Variants in TMPRSS15 observed in about 807,000 individuals in gnomAD.
The protein encoded by TMPRSS15 is enteropeptidase.
A neutral mutation model predicts 125.3 loss-of-function variants in TMPRSS15; 128 were observed. That is an observed-to-expected ratio of 1.02 (90% CI 0.89 to 1.18). The LOEUF (loss-of-function observed/expected upper bound fraction) is 1.18, where lower values mean the gene tolerates loss of function less well. TMPRSS15 is among the 50% of genes most tolerant of loss of function. The pLI, the probability that TMPRSS15 is intolerant of heterozygous loss-of-function variation, is 0.00. For missense variants in TMPRSS15, 1,283 were observed against 1,212.7 expected (o/e 1.06, Z -0.86); for synonymous variants, 446 against 423.2 (o/e 1.05, Z -0.66).
intron 13 of TMPRSS15, among the ~76,000 whole-genome samples, chr21:18,333,092 G>A (rs866484613): frequency 2.0e-5 from 3 of 152,046 alleles, no homozygotes; most frequent in East Asian, 3.9e-4. Flanking sequence ...GGGGCCTTTC[G>A]GAGGGTGGAG....
rs191970522 is a variant in TMPRSS15 at position 18,427,436 on chromosome 21, G to T, written c.11-29107C>A. On this transcript the variant is annotated intron_variant, in intron 1 of 7. Coordinates refer to the TMPRSS15 transcript ENST00000422787. ...AGATGGATAAATAAAATTCTTAACT[G>T]TTTATTTCTTTTAACAACTGTTCTG... 7.8e-4 allele frequency among the ~76,000 whole-genome samples: 119 copies of T among 152,280 alleles called. No homozygotes were observed. The Middle Eastern group carries it at 0.01, about 13-fold the overall frequency.
intron 21 of TMPRSS15, among the ~76,000 whole-genome samples, chr21:18,288,557 ATG>A: frequency 2.0e-5 from 1 of 51,158 alleles, no homozygotes; most frequent in Non-Finnish European, 3.8e-5. Flanking sequence ...TTTTTTTGAG[ATG>A]GAGTGTTGTG....
intron 1 of TMPRSS15, among the ~76,000 whole-genome samples, 161 bp from the exon 2 acceptor site, chr21:18,398,490 T>C (rs2076062823): frequency 6.6e-6 from 1 of 152,176 alleles, no homozygotes; most frequent in Non-Finnish European, 1.5e-5. Context: ...TCAGCTGCTT[T>C]CTTTCACCAG....
chr21:18,336,621 C>T (rs1457941834), intron 13 of TMPRSS15, among the ~76,000 whole-genome samples: 2 of 151,992 alleles, frequency 1.3e-5, no homozygotes, highest in Non-Finnish European at 1.5e-5. Flanking sequence ...AATAAAAATC[C>T]AGACAATGAG....
At chr21:18,277,514 G>T (rs2074636374) in intron 23 of TMPRSS15, among the ~76,000 whole-genome samples, 1 of 152,108 alleles carries the variant, frequency 6.6e-6, no homozygotes, top group South Asian at 2.1e-4. Context: ...TCAAGAGGGA[G>T]AAATATATGA....
chr21:18,373,460 ATAT>A (rs1280716820), intron 5 of TMPRSS15, among the ~76,000 whole-genome samples: 5 of 152,246 alleles, frequency 3.3e-5, no homozygotes, highest in East Asian at 3.9e-4. Flanking sequence ...AATAATAAAA[ATAT>A]TATTTAATAA....
intron 16 of TMPRSS15, among the ~76,000 whole-genome samples, chr21:18,323,859 C>T (rs1458689709): frequency 6.6e-6 from 1 of 152,064 alleles, no homozygotes; most frequent in African/African-American, 2.4e-5. Context: ...TTTAAACAAG[C>T]AGTTATTGAA....
chr21:18,466,811 A>G lies in TMPRSS15; in HGVS notation c.10+18988T>C, dbSNP rs1422060378. ...CAGGAATGCTTGTACACAGTTGGTGAGAGTGTAAATTAGTTCAACCATTGT... is the reference window on the plus strand; with the variant it reads ...CAGGAATGCTTGTACACAGTTGGTGGGAGTGTAAATTAGTTCAACCATTGT... On this transcript the variant is annotated intron_variant, in intron 1 of 7. Transcript: ENST00000422787. Among the ~76,000 whole-genome samples, 3 of 152,156 alleles carry G rather than the reference A, an allele frequency of 2.0e-5. No individual in the cohort carries two copies. In the East Asian group the frequency reaches 5.8e-4, roughly 29 times the overall value.
intron 1 of TMPRSS15, among the ~76,000 whole-genome samples, chr21:18,435,629 G>T (rs937090542): frequency 6.6e-6 from 1 of 152,126 alleles, no homozygotes; most frequent in East Asian, 1.9e-4. Context: ...TTGGTATCAG[G>T]ATGATGCTGG....
intron 1 of TMPRSS15, among the ~76,000 whole-genome samples, chr21:18,425,497 T>C (rs2076200797): frequency 6.6e-6 from 1 of 152,148 alleles, no homozygotes; most frequent in Admixed American, 6.5e-5. Flanking sequence ...CTTCTGTCGG[T>C]CAATTAAAAA....
intron 1 of TMPRSS15, among the ~76,000 whole-genome samples, chr21:18,471,893 G>A (rs556600109): frequency 6.6e-5 from 10 of 152,212 alleles, no homozygotes; most frequent in African/African-American, 2.4e-4. Flanking sequence ...GGGAATCAGC[G>A]AATCAGCACT....
chr21:18,295,549 T>C (rs1227492579), intron 19 of TMPRSS15, among the ~76,000 whole-genome samples: 1 of 151,920 alleles, frequency 6.6e-6, no homozygotes, highest in Non-Finnish European at 1.5e-5. Flanking sequence ...AAATGCAACG[T>C]AAATAAGACC....
At chr21:18,428,839 T>C (rs1212276421) in intron 1 of TMPRSS15, among the ~76,000 whole-genome samples, 2 of 152,188 alleles carry the variant, frequency 1.3e-5, no homozygotes, top group Non-Finnish European at 2.9e-5. Flanking sequence ...ACAGAGGCCC[T>C]ACTGGGGCAC....
chr21:18,477,894 G>C (rs1978908401), intron 1 of TMPRSS15, among the ~76,000 whole-genome samples: 1 of 151,966 alleles, frequency 6.6e-6, no homozygotes, highest in Non-Finnish European at 1.5e-5. Context: ...CTCCAATCCT[G>C]TGTTTAAAAA....
intron 5 of TMPRSS15, 40 bp from the exon 6 acceptor site, chr21:18,372,364 T>C: frequency 6.3e-7 from 1 of 1,597,692 alleles, no homozygotes; most frequent in Non-Finnish European, 8.6e-7. Flanking sequence ...ATTGATGAGA[T>C]ATGTACAATG....
Position 18,363,371 on chromosome 21 carries a change from T to C in TMPRSS15, c.773+1769A>G, listed in dbSNP as rs554181966. Among the ~76,000 whole-genome samples the C allele has an allele frequency of 2.6e-5, 4 of 152,242 alleles. No homozygotes were observed. In the South Asian group the frequency reaches 8.3e-4, roughly 31 times the overall value. On this transcript the variant is annotated intron_variant, in intron 7 of 24. Coordinates refer to ENST00000284885, the MANE Select transcript of TMPRSS15 (RefSeq NM_002772.3). ...ATAGGGCCATAACATTTTTAATTAATATAGGATAATTTTTGCGTAAAGGAC... is the reference window on the plus strand; with the variant it reads ...ATAGGGCCATAACATTTTTAATTAACATAGGATAATTTTTGCGTAAAGGAC...
intron 14 of TMPRSS15, among the ~76,000 whole-genome samples, chr21:18,329,916 TTATA>T (rs1569012285): frequency 6.6e-6 from 1 of 152,070 alleles, no homozygotes. Flanking sequence ...ATAATTATAT[TTATA>T]TAGTAAAATT....
rs1204976113 is a variant in TMPRSS15 at position 18,360,010 on chromosome 21, A to G, written c.774-147T>C. The G allele has an allele frequency of 9.4e-6, 5 of 532,646 alleles. No homozygotes were observed. The Admixed American group carries it at 1.5e-4, about 16-fold the overall frequency. The allele number at this position is 532,646 out of a possible 1,614,324, so 33.0% of individuals were successfully genotyped here. ...TAAATTTTTAAGTGTACAGTGCAGT[A>G]TTGCCGGTTATGAACACAATGATGT... is the stretch of plus-strand genomic sequence containing the variant. On this transcript the variant is annotated intron_variant, in intron 7 of 24. Coordinates refer to ENST00000284885, the MANE Select transcript of TMPRSS15 (RefSeq NM_002772.3).
chr21:18,426,156 ACACT>A (rs1420782052), intron 1 of TMPRSS15, among the ~76,000 whole-genome samples: 1 of 152,152 alleles, frequency 6.6e-6, no homozygotes, highest in Non-Finnish European at 1.5e-5. Flanking sequence ...TACACAACAC[ACACT>A]CACAGTGACA....
Sources: allele counts gnomAD v4.1 joint callset (sites outside exome capture counted in the v4.1 genomes callset), GRCh38; gene constraint gnomAD v4.1.1; transcripts MANE v1.5; gene names NCBI Gene and HGNC (gene_info 2026-07-23, HGNC 2026-07-21).